The following FBH1 variants were observed in gnomAD, a reference collection of about 807,000 sequenced individuals.
The protein encoded by FBH1 is DNA 3'-5' helicase 1.
In FBH1, 43 loss-of-function variants were observed where a neutral mutation model predicts 115.5. That is an observed-to-expected ratio of 0.37 (90% CI 0.29 to 0.48). FBH1 has a LOEUF of 0.48. Ranked by LOEUF, FBH1 falls within the 20% of genes least tolerant of loss-of-function variation. The pLI is 0.99. For synonymous variants in FBH1, 524 were observed against 507.8 expected (o/e 1.03, Z -0.43); for missense variants, 1,001 against 1,337.3 (o/e 0.75, Z 3.92).
chr10:5,894,540 C>T lies in FBH1; in HGVS notation c.1+4194C>T, dbSNP rs755552858. The T allele has an allele frequency of 4.9e-6, 4 of 823,248 alleles. 1 individual carries two copies. Among genetic ancestry groups the T allele is most frequent in the Non-Finnish European group, 8.8e-6 (4 of 457,010 alleles). The allele number at this position is 823,248 out of a possible 1,614,324, so 51.0% of individuals were successfully genotyped here. ...AGTCCTCTCTGAGCCCCAGCTTAAT[C>T]ATGGCACAATTGTAGGATTGCTTTG... On this transcript the variant is annotated intron_variant, in intron 1 of 20. Coordinates refer to ENST00000362091, the MANE Select transcript of FBH1 (RefSeq NM_178150.3).
At chr10:5,937,015 C>T (rs1474431737) in intron 20 of FBH1, 95 bp from the exon 21 acceptor site, 2 of 1,375,100 alleles carry the variant, frequency 1.5e-6, no homozygotes, top group Non-Finnish European at 2.0e-6. Flanking sequence ...ATGCGTTGTC[C>T]CTGGGCAGCT....
At chr10:5,916,727 A>G (rs1831987870) in intron 10 of FBH1, among the ~76,000 whole-genome samples, 1 of 151,246 alleles carries the variant, frequency 6.6e-6, no homozygotes, top group Non-Finnish European at 1.5e-5. Context: ...GGATCTGAGG[A>G]TGGGCAAACA....
intron 1 of FBH1, among the ~76,000 whole-genome samples, chr10:5,892,963 G>A (rs567679494): frequency 3.9e-5 from 6 of 152,222 alleles, no homozygotes; most frequent in African/African-American, 9.6e-5. Context: ...CCTCTCTCCC[G>A]AGTCACTGTC....
In FBH1 at chr10:5,897,085, G is replaced by C. The variant is rs559155720; in HGVS notation, c.2-5935G>C. Among the ~76,000 whole-genome samples the C allele has an allele frequency of 6.6e-6, 1 of 152,162 alleles. No homozygotes were observed. The highest frequency in any genetic ancestry group is 1.5e-5 in the Non-Finnish European group (1 of 68,038). On this transcript the variant is annotated intron_variant, in intron 1 of 20. Transcript: ENST00000362091. This position sits in a 1 kb window ranked among gnomAD's most constrained non-coding sequence, Gnocchi z 4.7. ...TGCTATTAAAACTGATGTGCCTTAGGAGACCCTCAGATTGGTGTGGTAGTC... is the reference window on the plus strand; with the variant it reads ...TGCTATTAAAACTGATGTGCCTTAGCAGACCCTCAGATTGGTGTGGTAGTC...
Position 5,903,103 on chromosome 10 carries a change from G to C in FBH1, c.85G>C (p.Gly29Arg). ...TCACTTGGCTGTGACCCAGCCCTTCGGTCAAAGATGGACAAACAGAGATCC... is the reference window on the plus strand; with the variant it reads ...TCACTTGGCTGTGACCCAGCCCTTCCGTCAAAGATGGACAAACAGAGATCC... ...RSHLAVTQPFGQRWTNRDPNH... is the reference protein window; with the variant it reads ...RSHLAVTQPFRQRWTNRDPNH... The change falls in exon 2 of 21, where the codon GGT (glycine) becomes CGT (arginine). Residue 29 changes from glycine to arginine, a missense_variant. Physicochemically the swap from Gly to Arg is moderately radical, Grantham distance 125. This residue lies in a region of FBH1 where 420 missense variants were observed against 430.4 expected (regional missense o/e 0.98). Coordinates refer to ENST00000362091, the MANE Select transcript of FBH1 (RefSeq NM_178150.3). 6.2e-7 allele frequency: 1 copy of C among 1,613,744 alleles called. No individual in the cohort carries two copies. The highest frequency in any genetic ancestry group is 8.5e-7 in the Non-Finnish European group (1 of 1,179,874).
intron 1 of FBH1, among the ~76,000 whole-genome samples, chr10:5,902,035 C>T (rs955600451): frequency 6.6e-6 from 1 of 152,110 alleles, no homozygotes; most frequent in Non-Finnish European, 1.5e-5. Flanking sequence ...ATTTCAGTAC[C>T]GTTGAAACAA....
chr10:5,891,754 C>A (rs550724462), intron 1 of FBH1, among the ~76,000 whole-genome samples: 38 of 152,282 alleles, frequency 2.5e-4, no homozygotes, highest in African/African-American at 8.9e-4. Flanking sequence ...GGATTACAGG[C>A]GTGTGCCACC....
Position 5,918,560 on chromosome 10 carries a change from AG to A in FBH1, c.2100+84del. 7.0e-7 allele frequency: 1 copy of A among 1,437,606 alleles called. No homozygotes were observed. The highest frequency in any genetic ancestry group is 9.2e-7 in the Non-Finnish European group (1 of 1,091,780). 89.1% of individuals were successfully genotyped at this position (1,437,606 alleles called of 1,614,324 possible). On this transcript the variant is annotated intron_variant, in intron 13 of 20. Coordinates refer to ENST00000362091, the MANE Select transcript of FBH1 (RefSeq NM_178150.3). The surrounding 1 kb of genome is among the most constrained non-coding windows in gnomAD (Gnocchi z 4.0). ...CAGGCCCTGTGAAAGGTGGTATGCC[AG>A]GCTCACCAGATCTAGCAAATCCTTG...
rs931759424 is a variant in FBH1 at position 5,913,440 on chromosome 10, C to T, written c.1212-307C>T. The stretch of plus-strand genomic sequence containing the variant: ...TCCCTTTGCCTTCCACTGGTCCTTA[C>T]AGTTTTTCAGGTTGTTTGTCTCTTC... On this transcript the variant is annotated intron_variant, in intron 6 of 20. Coordinates refer to ENST00000362091, the MANE Select transcript of FBH1 (RefSeq NM_178150.3). This position sits in a 1 kb window ranked among gnomAD's most constrained non-coding sequence, Gnocchi z 4.4. Among the ~76,000 whole-genome samples, 1 of 152,128 alleles carries T rather than the reference C, an allele frequency of 6.6e-6. No homozygotes were observed. Among genetic ancestry groups the T allele is most frequent in the Non-Finnish European group, 1.5e-5 (1 of 68,026 alleles).
At chr10:5,927,025 C>T (rs557475294) in intron 18 of FBH1, among the ~76,000 whole-genome samples, 2 of 152,360 alleles carry the variant, frequency 1.3e-5, no homozygotes, top group Non-Finnish European at 2.9e-5. Flanking sequence ...CGAGCAGACT[C>T]GGTCCTGCTC....
intron 1 of FBH1, among the ~76,000 whole-genome samples, chr10:5,899,195 G>A (rs1256488975): frequency 6.6e-6 from 1 of 152,224 alleles, no homozygotes; most frequent in African/African-American, 2.4e-5. Context: ...ACTTTCAGAA[G>A]CCTTCGGTAC....
chr10:5,936,225 T>A lies in FBH1; in HGVS notation c.2830-231T>A. Reference sequence around the variant, plus strand: ...CAGGCAATAGTTTTGCATGTTTATCTGTTAAATATATATATATTTAAAAAG... The same window carrying A: ...CAGGCAATAGTTTTGCATGTTTATCAGTTAAATATATATATATTTAAAAAG... On this transcript the variant is annotated intron_variant, in intron 19 of 20. Transcript: ENST00000362091. This position sits in a 1 kb window ranked among gnomAD's most constrained non-coding sequence, Gnocchi z 5.6. 1 of 304,840 alleles carries A rather than the reference T, an allele frequency of 3.3e-6. No homozygotes were observed. The highest frequency in any genetic ancestry group is 6.3e-6 in the Non-Finnish European group (1 of 159,650). The allele number at this position is 304,840 out of a possible 1,614,324, so 18.9% of individuals were successfully genotyped here.
At chr10:5,905,771 T>C (rs1247251990) in intron 2 of FBH1, among the ~76,000 whole-genome samples, 1 of 152,186 alleles carries the variant, frequency 6.6e-6, no homozygotes, top group Admixed American at 6.5e-5. Flanking sequence ...TGTACTTGTT[T>C]TTACTGCAGG....
chr10:5,930,461 G>T (rs1215307728), intron 19 of FBH1, among the ~76,000 whole-genome samples: 4 of 152,180 alleles, frequency 2.6e-5, no homozygotes, highest in African/African-American at 9.7e-5. Context: ...AACTTGTTCT[G>T]CCATCATTAC....
Position 5,923,652 on chromosome 10 carries a change from T to C in FBH1, c.2354T>C (p.Ile785Thr). ...AAATCATTTGGATTGGACAGAATCA[T>C]TGATATTTGGATCCTTCTTCAGCCA... is the stretch of plus-strand genomic sequence containing the variant. Reference protein sequence around the residue: ...GIKSFGLDRIIDIWILLQPEE... With the variant: ...GIKSFGLDRITDIWILLQPEE... Residue 785 changes from isoleucine to threonine, a missense_variant, in exon 16 of 21, where the codon ATT becomes ACT. Physicochemically the swap from Ile to Thr is moderately conservative, Grantham distance 89. Around this residue, in one of 4 missense-constraint regions of FBH1, gnomAD observed 521 missense variants for 811.0 expected, o/e 0.64. Coordinates refer to ENST00000362091, the MANE Select transcript of FBH1 (RefSeq NM_178150.3). The surrounding 1 kb of genome is among the most constrained non-coding windows in gnomAD (Gnocchi z 5.7). The C allele has an allele frequency of 6.2e-7, 1 of 1,614,126 alleles. No homozygotes were observed. Among genetic ancestry groups the C allele is most frequent in the East Asian group, 2.2e-5 (1 of 44,882 alleles).
At chr10:5,903,352 C>G (rs868504842) in intron 2 of FBH1, among the ~76,000 whole-genome samples, 177 bp downstream of exon 2, 2 of 143,530 alleles carry the variant, frequency 1.4e-5, no homozygotes, top group Non-Finnish European at 3.0e-5. Flanking sequence ...TTTTTTGAGA[C>G]GGAGTTTCAA....
chr10:5,892,155 C>T (rs902763017), intron 1 of FBH1, among the ~76,000 whole-genome samples: 8 of 152,120 alleles, frequency 5.3e-5, no homozygotes, highest in African/African-American at 1.2e-4. Flanking sequence ...TGCTGTTTTC[C>T]GGTTGGGCTG....
At chr10:5,904,869 A>T (rs905744172) in intron 2 of FBH1, among the ~76,000 whole-genome samples, 1 of 152,154 alleles carries the variant, frequency 6.6e-6, no homozygotes, top group African/African-American at 2.4e-5. Flanking sequence ...ATAGAAAAAT[A>T]TCTGTTTCAG....
intron 9 of FBH1, 118 bp from the exon 10 acceptor site, chr10:5,916,116 C>A: frequency 1.1e-6 from 1 of 877,740 alleles, no homozygotes; most frequent in Non-Finnish European, 1.8e-6. Context: ...AACATTAACA[C>A]TCGCCTGTGT....
Sources: allele counts gnomAD v4.1 joint callset (sites outside exome capture counted in the v4.1 genomes callset), GRCh38; gene constraint gnomAD v4.1.1; regional missense constraint gnomAD v4.1.1; non-coding constraint Gnocchi (gnomAD v3.1); transcripts MANE v1.5; gene names NCBI Gene and HGNC (gene_info 2026-07-23, HGNC 2026-07-21).